PAPOLA: variants seen among roughly 807,000 people sequenced by gnomAD.
The protein encoded by PAPOLA is poly(A) polymerase alpha, also known as polynucleotide adenylyltransferase alpha.
A neutral mutation model predicts 100.6 loss-of-function variants in PAPOLA; 15 were observed. That is an observed-to-expected ratio of 0.15 (90% CI 0.10 to 0.23). The LOEUF (loss-of-function observed/expected upper bound fraction) is 0.23, where lower values mean the gene tolerates loss of function less well. PAPOLA is among the 10% of genes least tolerant of loss of function. The pLI, the probability that PAPOLA is intolerant of heterozygous loss-of-function variation, is 1.00. For synonymous variants in PAPOLA, 293 were observed against 300.0 expected, an observed-to-expected ratio of 0.98 and a Z score of 0.24; for missense variants, 533 against 884.2, an observed-to-expected ratio of 0.60 and a Z score of 5.04.
chr14:96,560,183 C>T (rs1006887226), intron 19 of PAPOLA, among the ~76,000 whole-genome samples: 12 of 152,072 alleles, frequency 7.9e-5, no homozygotes, highest in East Asian at 7.7e-4. Context: ...GTTAGTAGGT[C>T]GTACCAAGAG....
intron 1 of PAPOLA, among the ~76,000 whole-genome samples, chr14:96,516,172 G>T (rs558325575): frequency 5.9e-5 from 9 of 152,222 alleles, no homozygotes; most frequent in African/African-American, 1.9e-4. Flanking sequence ...TACTTTGGAC[G>T]TTTGAAACAT....
chr14:96,515,681 C>T (rs1897403265), intron 1 of PAPOLA, among the ~76,000 whole-genome samples: 1 of 152,160 alleles, frequency 6.6e-6, no homozygotes, highest in African/African-American at 2.4e-5. Context: ...CGAAAATGGA[C>T]CAGTTGCTCA....
intron 3 of PAPOLA, among the ~76,000 whole-genome samples, chr14:96,522,810 A>G (rs1048790612): frequency 1.3e-5 from 2 of 152,146 alleles, no homozygotes; most frequent in African/African-American, 4.8e-5. Flanking sequence ...TTGTGTGTGG[A>G]GTTCATTTGA....
At chr14:96,508,139 G>A (rs1566830247) in intron 1 of PAPOLA, among the ~76,000 whole-genome samples, 2 of 152,282 alleles carry the variant, frequency 1.3e-5, no homozygotes, top group East Asian at 3.9e-4. Flanking sequence ...GCCTCCCAAA[G>A]TGCTGGGATT....
At chr14:96,509,896 T>G (rs918055315) in intron 1 of PAPOLA, among the ~76,000 whole-genome samples, 1 of 152,100 alleles carries the variant, frequency 6.6e-6, no homozygotes, top group African/African-American at 2.4e-5. Flanking sequence ...TATATTCTTA[T>G]TTAAAGCCAT....
In PAPOLA at chr14:96,532,286, G is replaced by GTTT. The variant is rs778431570; in HGVS notation, c.608-44_608-43insTTT. On this transcript the variant is annotated intron_variant, in intron 7 of 21. Transcript: ENST00000216277. ...GTTTTTTTTTGTTTTGTTTTGTTTT[G>GTTT]TGTGTGTGTGTGTGTGTGTGTTTTT... 5.7e-5 allele frequency: 27 copies of GTTT among 473,730 alleles called. No homozygotes were observed. In the East Asian group the frequency reaches 1.4e-3, roughly 24 times the overall value. The allele number at this position is 473,730 out of a possible 1,614,324, so 29.3% of individuals were successfully genotyped here. A position where few individuals can be genotyped will look rare whatever the true frequency, so the allele number is the denominator to read the frequency against.
chr14:96,535,432 G>A (rs1899435368), intron 10 of PAPOLA: 3 of 983,910 alleles, frequency 3.0e-6, no homozygotes, highest in Admixed American at 6.2e-5. Context: ...GTTTCACCGC[G>A]TGTTAATAAG....
chr14:96,521,550 C>T (rs141248327), intron 3 of PAPOLA, among the ~76,000 whole-genome samples: 151 of 151,882 alleles, frequency 9.9e-4, no homozygotes, highest in Middle Eastern at 6.8e-3. Flanking sequence ...AGTGTAGTGA[C>T]ACCATTATAG....
At chr14:96,549,421 T>C (rs910286215) in intron 16 of PAPOLA, among the ~76,000 whole-genome samples, 3 of 152,042 alleles carry the variant, frequency 2.0e-5, no homozygotes, top group African/African-American at 7.2e-5. Context: ...GCTAATTTTT[T>C]GTATTTTTAG....
chr14:96,554,097 T>C (rs990375893), intron 17 of PAPOLA, among the ~76,000 whole-genome samples: 3 of 152,214 alleles, frequency 2.0e-5, no homozygotes, highest in African/African-American at 4.8e-5. Context: ...TGCACAAATA[T>C]AAAATGTGTA....
chr14:96,527,949 A>G lies in PAPOLA; in HGVS notation c.442-4A>G, dbSNP rs775809401. 6.2e-7 allele frequency: 1 copy of G among 1,601,860 alleles called. No individual in the cohort carries two copies. Among genetic ancestry groups the G allele is most frequent in the Non-Finnish European group, 8.6e-7 (1 of 1,169,024 alleles). On this transcript the variant is annotated splice_region_variant and splice_polypyrimidine_tract_variant and intron_variant, in intron 5 of 21. Transcript: ENST00000216277. Reference sequence around the variant, plus strand: ...GACCCTGAACTTGTTTACTTTCCTTATAGGCTGTTGAAGAGGCATTCGTAC... The same window carrying G: ...GACCCTGAACTTGTTTACTTTCCTTGTAGGCTGTTGAAGAGGCATTCGTAC...
intron 6 of PAPOLA, among the ~76,000 whole-genome samples, chr14:96,529,913 G>A (rs1035089826): frequency 6.6e-6 from 1 of 152,144 alleles, no homozygotes; most frequent in Non-Finnish European, 1.5e-5. Flanking sequence ...TTCAAAATTA[G>A]CCTTAACTGT....
chr14:96,502,576 T>C lies in PAPOLA; in HGVS notation c.-17T>C, dbSNP rs776518436. 6.4e-7 allele frequency: 1 copy of C among 1,557,894 alleles called. No homozygotes were observed. The highest frequency in any genetic ancestry group is 2.4e-5 in the East Asian group (1 of 41,138). ...TTGCGGGGGGGAAGTGACTGGGCGG[T>C]GCCGGCGCCGGAGACGATGCCGTTG... On this transcript the variant is annotated 5_prime_UTR_variant, in exon 1 of 22. Transcript: ENST00000216277.
At chr14:96,529,729 A>C (rs941479988) in intron 6 of PAPOLA, among the ~76,000 whole-genome samples, 38 of 152,232 alleles carry the variant, frequency 2.5e-4, no homozygotes, top group Admixed American at 5.2e-4. Context: ...CTAAAACAAA[A>C]AAACAAACAA....
Position 96,556,279 on chromosome 14 carries a change from C to T in PAPOLA, c.1870C>T (p.Pro624Ser). The stretch of plus-strand genomic sequence containing the variant: ...TGTTTCTTCAACACGTCTGGTAAAC[C>T]CACCACCTAGATCTTCAGGAAATGC... ...RVVSSTRLVN[P>S]PPRSSGNAAT... Residue 624 changes from proline (P) to serine (S), a missense_variant, in exon 19 of 22, where the codon CCA becomes TCA. Physicochemically the swap from Pro to Ser is moderately conservative, Grantham distance 74 (BLOSUM62 -1). Transcript: ENST00000216277. 1 of 1,614,012 alleles carries T rather than the reference C, an allele frequency of 6.2e-7. No individual in the cohort carries two copies. Among genetic ancestry groups the T allele is most frequent in the Non-Finnish European group, 8.5e-7 (1 of 1,179,986 alleles).
intron 1 of PAPOLA, among the ~76,000 whole-genome samples, chr14:96,510,229 G>A (rs1042873020): frequency 6.6e-6 from 1 of 152,008 alleles, no homozygotes; most frequent in African/African-American, 2.4e-5. Context: ...TTGATCATTA[G>A]AAACATTTAA....
chr14:96,552,533 G>A lies in PAPOLA; in HGVS notation c.1575G>A (p.Leu525=), dbSNP rs780000383. ...CTCTCAATGACAGCAGCCTCGACTTGTCTATGGACAGTGATAACAGCATGT... is the reference window on the plus strand; with the variant it reads ...CTCTCAATGACAGCAGCCTCGACTTATCTATGGACAGTGATAACAGCATGT... ...LTALNDSSLD[L]SMDSDNSMSV... Residue 525 remains leucine (L), a synonymous_variant, in exon 17 of 22, where the codon TTG becomes TTA. Transcript: ENST00000216277. 2.4e-5 allele frequency: 38 copies of A among 1,613,828 alleles called. No individual in the cohort carries two copies. The highest frequency in any genetic ancestry group is 3.2e-5 in the Non-Finnish European group (38 of 1,179,698).
intron 1 of PAPOLA, among the ~76,000 whole-genome samples, chr14:96,519,018 C>G (rs1595508493): frequency 6.6e-6 from 1 of 152,182 alleles, no homozygotes; most frequent in Admixed American, 6.5e-5. Context: ...GATCGTACCA[C>G]TGTACTCCAG....
In PAPOLA at chr14:96,534,135, T is replaced by A. The variant is rs1899312803; in HGVS notation, c.837-356T>A. On this transcript the variant is annotated intron_variant, in intron 9 of 21. Transcript: ENST00000216277. Reference sequence around the variant, plus strand: ...ATCACTTGACTTTGGATGGAACTAGTATAAAGGCAGGAATTTTGTCTTTCA... The same window carrying A: ...ATCACTTGACTTTGGATGGAACTAGAATAAAGGCAGGAATTTTGTCTTTCA... 3 of 1,037,240 alleles carry A rather than the reference T, an allele frequency of 2.9e-6. No homozygotes were observed. The South Asian group carries it at 1.2e-4, about 43-fold the overall frequency. 64.3% of individuals were successfully genotyped at this position (1,037,240 alleles called of 1,614,324 possible). A position where few individuals can be genotyped will look rare whatever the true frequency, so the allele number is the denominator to read the frequency against.
Sources: allele counts gnomAD v4.1 joint callset (sites outside exome capture counted in the v4.1 genomes callset), GRCh38; gene constraint gnomAD v4.1.1; transcripts MANE v1.5; gene names NCBI Gene and HGNC (gene_info 2026-07-23, HGNC 2026-07-21).